COL27A1: variants seen among roughly 807,000 people sequenced by gnomAD.
COL27A1 encodes collagen type XXVII alpha 1 chain, also known as collagen alpha-1(XXVII) chain.
COL27A1 carries 106 observed loss-of-function variants against 251.3 expected under a neutral mutation model. That is an observed-to-expected ratio of 0.42 (90% CI 0.36 to 0.50). COL27A1 has a LOEUF of 0.50. COL27A1 is among the 20% of genes least tolerant of loss of function. The pLI, the probability that COL27A1 is intolerant of heterozygous loss-of-function variation, is 0.00. For missense variants in COL27A1, 2,325 were observed against 2,522.8 expected (o/e 0.92, Z 1.68); for synonymous variants, 1,000 against 986.3 (o/e 1.01, Z -0.26).
In COL27A1 at chr9:114,168,124, CACTCGACCCTGG is replaced by C; in HGVS notation, c.570_581del (p.Leu191_Gly194del). ...CTGCTGCCTTTCCACAGGGACCCTG[CACTCGACCCTGG>C]GGGCTCCTTCCTCTTTGGGAAGATG... On this transcript the variant is annotated inframe_deletion, in exon 3 of 61. Coordinates refer to ENST00000356083, the MANE Select transcript of COL27A1 (RefSeq NM_032888.4). 6.2e-7 allele frequency: 1 copy of C among 1,612,838 alleles called. No individual in the cohort carries two copies. Among genetic ancestry groups the C allele is most frequent in the Non-Finnish European group, 8.5e-7 (1 of 1,180,032 alleles).
At chr9:114,177,908 C>A (rs1486125349) in intron 3 of COL27A1, among the ~76,000 whole-genome samples, 1 of 152,146 alleles carries the variant, frequency 6.6e-6, no homozygotes. Flanking sequence ...TGACTCATAT[C>A]CCCTTAGTTC....
intron 10 of COL27A1, 47 bp downstream of exon 10, chr9:114,206,343 CA>C: frequency 6.3e-7 from 1 of 1,577,084 alleles, no homozygotes; most frequent in Non-Finnish European, 8.7e-7. Flanking sequence ...TCTAGGTGAG[CA>C]TCACCTGTCC....
In COL27A1 at chr9:114,245,150, T is replaced by TTTG. The variant is rs1217212117; in HGVS notation, c.2935-714_2935-713insGTT. 2.1e-3 allele frequency among the ~76,000 whole-genome samples: 57 copies of TTTG among 26,992 alleles called. 4 individuals are homozygous for TTTG. Among genetic ancestry groups the TTTG allele is most frequent in the African/African-American group, 0.01 (55 of 5,242 alleles). The allele number at this position is 26,992 out of a possible 152,430, so 17.7% of individuals were successfully genotyped here. ...ATGCAGTGGGAATGTGCATTCTTGT[T>TTTG]TTTTTTTTTTTTTTTTTTTTTTTTT... On this transcript the variant is annotated intron_variant, in intron 23 of 60. Coordinates refer to ENST00000356083, the MANE Select transcript of COL27A1 (RefSeq NM_032888.4).
At chr9:114,210,512 C>T (rs1473012040) in intron 11 of COL27A1, among the ~76,000 whole-genome samples, 14 of 152,064 alleles carry the variant, frequency 9.2e-5, no homozygotes, top group Admixed American at 7.2e-4. Context: ...GCTAAGATTT[C>T]CTAAGACACC....
rs79429761 is a variant in COL27A1 at position 114,213,714 on chromosome 9, A to T, written c.2367+2688A>T. On this transcript the variant is annotated intron_variant, in intron 12 of 60. Coordinates refer to ENST00000356083, the MANE Select transcript of COL27A1 (RefSeq NM_032888.4). Reference sequence around the variant, plus strand: ...GTGCATAGTATTTGAACCACATGCGATTCTCCCAGTGAACCTTTAAGGCAA... The same window carrying T: ...GTGCATAGTATTTGAACCACATGCGTTTCTCCCAGTGAACCTTTAAGGCAA... 9.3e-4 allele frequency among the ~76,000 whole-genome samples: 141 copies of T among 152,268 alleles called. 4 individuals carry two copies. In the East Asian group the frequency reaches 0.026, roughly 28 times the overall value.
chr9:114,164,830 G>C (rs1342513687), intron 2 of COL27A1, among the ~76,000 whole-genome samples: 2 of 152,250 alleles, frequency 1.3e-5, no homozygotes, highest in Non-Finnish European at 2.9e-5. Flanking sequence ...AGGACAGACA[G>C]ATGGGAGAAA....
chr9:114,256,587 T>A (rs1833938350), intron 27 of COL27A1, among the ~76,000 whole-genome samples: 1 of 152,170 alleles, frequency 6.6e-6, no homozygotes, highest in African/African-American at 2.4e-5. Flanking sequence ...GGTCACCCAG[T>A]GACCAGAGTT....
chr9:114,291,501 G>A (rs1000829894), intron 48 of COL27A1, among the ~76,000 whole-genome samples: 2 of 152,214 alleles, frequency 1.3e-5, no homozygotes, highest in African/African-American at 4.8e-5. Flanking sequence ...TGTAATCCCA[G>A]CATTTTGGAG....
Position 114,310,915 on chromosome 9 carries a change from C to T in COL27A1, c.*220C>T. The T allele has an allele frequency of 2.1e-6, 1 of 475,092 alleles. No individual in the cohort carries two copies. The allele number at this position is 475,092 out of a possible 1,614,324, so 29.4% of individuals were successfully genotyped here. On this transcript the variant is annotated 3_prime_UTR_variant, in exon 61 of 61. Coordinates refer to ENST00000356083, the MANE Select transcript of COL27A1 (RefSeq NM_032888.4). ...TCCCAGCTTAGCCCCAAAGACCAACCAAAGAGCCAGCCAGAGTAAGCTGGA... is the reference window on the plus strand; with the variant it reads ...TCCCAGCTTAGCCCCAAAGACCAACTAAAGAGCCAGCCAGAGTAAGCTGGA...
intron 7 of COL27A1, among the ~76,000 whole-genome samples, chr9:114,198,677 C>T (rs1829335032): frequency 6.6e-6 from 1 of 152,132 alleles, no homozygotes; most frequent in Admixed American, 6.5e-5. Flanking sequence ...AAGACAGTGT[C>T]CATCTGGTAA....
intron 28 of COL27A1, among the ~76,000 whole-genome samples, chr9:114,260,736 G>T (rs1465155690): frequency 6.6e-6 from 1 of 152,138 alleles, no homozygotes; most frequent in Admixed American, 6.5e-5. Flanking sequence ...ACCAGCCCCA[G>T]TGAAAAGAAT....
chr9:114,237,346 T>C (rs1832467563), intron 18 of COL27A1, among the ~76,000 whole-genome samples: 1 of 152,246 alleles, frequency 6.6e-6, no homozygotes, highest in African/African-American at 2.4e-5. Flanking sequence ...TTATTGAGTG[T>C]CACTGTGCAT....
At chr9:114,272,180 A>G (rs1158470315) in intron 36 of COL27A1, 1 of 152,202 alleles carries the variant, frequency 6.6e-6, no homozygotes, top group East Asian at 1.9e-4. Flanking sequence ...TTAATAATTA[A>G]TGTTCCCAGC....
intron 2 of COL27A1, among the ~76,000 whole-genome samples, chr9:114,167,041 A>T (rs1228157266): frequency 6.6e-6 from 1 of 152,152 alleles, no homozygotes; most frequent in East Asian, 1.9e-4. Context: ...TGGGTCCCTG[A>T]GGAGATGGTG....
intron 60 of COL27A1, among the ~76,000 whole-genome samples, chr9:114,310,245 AAT>A (rs920719793): frequency 2.6e-5 from 4 of 151,950 alleles, no homozygotes; most frequent in African/African-American, 7.3e-5. Context: ...TAAATTAAAA[AAT>A]ATATATATAT....
chr9:114,189,906 C>T (rs957454265), intron 5 of COL27A1, among the ~76,000 whole-genome samples: 11 of 152,112 alleles, frequency 7.2e-5, no homozygotes, highest in Admixed American at 5.2e-4. Context: ...TGTTGGGTCT[C>T]CTGGATTTTA....
chr9:114,209,430 C>T (rs764389643), intron 10 of COL27A1: 2 of 760,380 alleles, frequency 2.6e-6, no homozygotes, highest in South Asian at 2.7e-5. Flanking sequence ...AGCGCCTGCG[C>T]CCTTCCCTGG....
At chr9:114,248,660 C>T (rs983243750) in intron 24 of COL27A1, among the ~76,000 whole-genome samples, 1 of 152,166 alleles carries the variant, frequency 6.6e-6, no homozygotes, top group Non-Finnish European at 1.5e-5. Context: ...CCAGGATGTT[C>T]TGGGACAGTA....
At position 114,155,835 on chromosome 9, in the gene COL27A1, G is replaced by A; in HGVS notation, c.-116G>A. The A allele has an allele frequency of 1.2e-6, 1 of 853,176 alleles. No homozygotes were observed. Among genetic ancestry groups the A allele is most frequent in the Non-Finnish European group, 1.4e-6 (1 of 707,298 alleles). The allele number at this position is 853,176 out of a possible 1,614,324, so 52.9% of individuals were successfully genotyped here. ...CCCTGGGCGCGGGGCTGCGCTGGGG[G>A]CGCGGGGGCCGCGCGCTCTAAGCCG... On this transcript the variant is annotated 5_prime_UTR_variant, in exon 1 of 61. Coordinates refer to ENST00000356083, the MANE Select transcript of COL27A1 (RefSeq NM_032888.4). This position sits in a 1 kb window ranked among gnomAD's most constrained non-coding sequence, Gnocchi z 5.5.
Sources: gnomAD v4.1 joint callset for allele counts (sites outside exome capture counted in the v4.1 genomes callset) on GRCh38, gnomAD v4.1.1 for gene constraint, Gnocchi (gnomAD v3.1) non-coding constraint, MANE v1.5 for transcripts, NCBI Gene and HGNC (gene_info 2026-07-23, HGNC 2026-07-21) for gene names.